Variants in AGAP1 observed in about 807,000 individuals in gnomAD.
AGAP1 encodes the protein ArfGAP with GTPase domain, ankyrin repeat and PH domain 1.
AGAP1 carries 29 observed loss-of-function variants against 105.3 expected under a neutral mutation model. The ratio of observed to expected loss-of-function variants is 0.28; its 90% confidence interval spans 0.21 to 0.38. The LOEUF is 0.38. Ranked by LOEUF, AGAP1 falls within the 10% of genes least tolerant of loss-of-function variation. AGAP1 has a pLI of 1.00. For synonymous variants in AGAP1, 509 were observed against 485.9 expected, an observed-to-expected ratio of 1.05 and a Z score of -0.63; for missense variants, 998 against 1,165.1, an observed-to-expected ratio of 0.86 and a Z score of 2.09.
rs56934868 is a variant in AGAP1, at chr2:235,681,843, C to CTT, written c.164-27312_164-27311dup. Among the ~76,000 whole-genome samples, 657 of 78,326 alleles carry CTT rather than the reference C, an allele frequency of 8.4e-3. 32 individuals are homozygous for CTT. The highest frequency in any genetic ancestry group is 0.013 in the Non-Finnish European group (566 of 42,136). 51.4% of individuals were successfully genotyped at this position (78,326 alleles called of 152,430 possible). On this transcript the variant is annotated intron_variant, in intron 1 of 17. Coordinates refer to ENST00000304032, the MANE Select transcript of AGAP1 (RefSeq NM_001037131.3). ...CCTATAAAGGGTCTAATTTAGTTTGCTTTTTTTTTTTTTTTTTTTTTTTTT... is the reference window on the plus strand; with the variant it reads ...CCTATAAAGGGTCTAATTTAGTTTGCTTTTTTTTTTTTTTTTTTTTTTTTTTT...
chr2:235,566,703 T>C lies in AGAP1; in HGVS notation c.163+71854T>C. 1.4e-6 allele frequency: 1 copy of C among 727,580 alleles called. No homozygotes were observed. Among genetic ancestry groups the C allele is most frequent in the Non-Finnish European group, 1.7e-6 (1 of 594,706 alleles). 45.1% of individuals were successfully genotyped at this position (727,580 alleles called of 1,614,324 possible). ...GGCTGTTCGAGGAACACAGGATGCA[T>C]ATTCAGGCAGGAAGTTGTTGGGGTT... On this transcript the variant is annotated intron_variant, in intron 1 of 17. Transcript: ENST00000304032. The surrounding 1 kb of genome is among the most constrained non-coding windows in gnomAD (Gnocchi z 5.2).
intron 11 of AGAP1, among the ~76,000 whole-genome samples, chr2:235,917,166 C>T (rs1276694261): frequency 1.3e-5 from 2 of 151,554 alleles, no homozygotes; most frequent in Non-Finnish European, 2.9e-5. Context: ...TCCTCTACAT[C>T]CCCCCCTTCC....
chr2:236,008,025 T>A (rs1005996514), intron 13 of AGAP1, among the ~76,000 whole-genome samples: 3 of 152,274 alleles, frequency 2.0e-5, no homozygotes, highest in Non-Finnish European at 4.4e-5. Context: ...AACCTCATTT[T>A]TTTCTAAGTG....
intron 13 of AGAP1, among the ~76,000 whole-genome samples, chr2:235,999,470 ATTGTGGTGACGATGGTGAGAGGTGG>A (rs2055991268): frequency 7.4e-6 from 1 of 134,606 alleles, no homozygotes; most frequent in Non-Finnish European, 1.6e-5. Flanking sequence ...GGTAGTAGTG[ATTGTGGTGACGATGGTGAGAGGTGG>A]TGGTGGTAGT....
intron 1 of AGAP1, among the ~76,000 whole-genome samples, chr2:235,607,548 G>C (rs1237117303): frequency 6.6e-6 from 1 of 152,244 alleles, no homozygotes. Flanking sequence ...TCCACTGTCA[G>C]AGGATGGAGA....
intron 1 of AGAP1, among the ~76,000 whole-genome samples, chr2:235,603,239 A>G (rs1010228233): frequency 3.9e-5 from 6 of 151,968 alleles, no homozygotes; most frequent in Middle Eastern, 3.4e-3. Context: ...GCCTGCCGCC[A>G]TGTAAGATGT....
intron 11 of AGAP1, among the ~76,000 whole-genome samples, chr2:235,920,118 G>A (rs973652249): frequency 9.2e-5 from 14 of 152,102 alleles, no homozygotes; most frequent in African/African-American, 3.4e-4. Flanking sequence ...TTTAGTAGTC[G>A]TTAAATTTGT....
At chr2:235,790,605 A>C (rs79463132) in intron 6 of AGAP1, among the ~76,000 whole-genome samples, 4,859 of 152,198 alleles carry the variant, frequency 0.032, 253 homozygotes, top group African/African-American at 0.11. Flanking sequence ...CTTAAGGACA[A>C]CTTCACACTT....
rs1272029967 is a variant in AGAP1, at chr2:235,550,178, G to T, written c.163+55329G>T. 6.6e-6 allele frequency among the ~76,000 whole-genome samples: 1 copy of T among 152,192 alleles called. No individual in the cohort carries two copies. The highest frequency in any genetic ancestry group is 1.5e-5 in the Non-Finnish European group (1 of 68,032). ...AGCCTGCACACTCCCAGCACCCGTG[G>T]CAGTCTTAGCAGGTGGATTATCACC... On this transcript the variant is annotated intron_variant, in intron 1 of 17. Coordinates refer to ENST00000304032, the MANE Select transcript of AGAP1 (RefSeq NM_001037131.3). This position sits in a 1 kb window ranked among gnomAD's most constrained non-coding sequence, Gnocchi z 4.6.
At chr2:235,554,310 A>C (rs946444362) in intron 1 of AGAP1, among the ~76,000 whole-genome samples, 26 of 152,202 alleles carry the variant, frequency 1.7e-4, no homozygotes, top group African/African-American at 5.5e-4. Flanking sequence ...TTATTTGGGA[A>C]GTTTGCATGT....
In AGAP1 at chr2:235,914,284, C is replaced by T. The variant is rs190768443; in HGVS notation, c.1324+5378C>T. On this transcript the variant is annotated intron_variant, in intron 11 of 17. Transcript: ENST00000304032. The stretch of plus-strand genomic sequence containing the variant: ...TACAGAGACTGGATTGTGTTGCCTC[C>T]TGTGCCATTCGTCTCCATTGTTACT... Among the ~76,000 whole-genome samples, 59 of 152,276 alleles carry T rather than the reference C, an allele frequency of 3.9e-4. 1 individual carries two copies. The highest frequency in any genetic ancestry group is 1.3e-3 in the African/African-American group (53 of 41,558).
At chr2:235,760,095 G>A (rs191267062) in intron 6 of AGAP1, among the ~76,000 whole-genome samples, 2 of 152,198 alleles carry the variant, frequency 1.3e-5, no homozygotes, top group East Asian at 3.9e-4. Context: ...AAATACAGAA[G>A]ATGGGCTGGG....
intron 9 of AGAP1, among the ~76,000 whole-genome samples, chr2:235,859,402 C>CA (rs528900538): frequency 4.2e-5 from 4 of 95,516 alleles, no homozygotes; most frequent in East Asian, 6.1e-4. Context: ...CTCCCCCCCC[C>CA]CCCCCGCCTT....
At chr2:236,117,019 G>A (rs1395625633) in intron 16 of AGAP1, among the ~76,000 whole-genome samples, 1 of 152,284 alleles carries the variant, frequency 6.6e-6, no homozygotes, top group South Asian at 2.1e-4. Context: ...GGCCATTGGG[G>A]TAGGTTCCAC....
Position 236,124,302 on chromosome 2 carries a change from G to A in AGAP1, c.*180G>A, listed in dbSNP as rs2059969782. 1.4e-6 allele frequency: 1 copy of A among 711,616 alleles called. No homozygotes were observed. Among genetic ancestry groups the A allele is most frequent in the East Asian group, 2.7e-5 (1 of 36,818 alleles). The allele number at this position is 711,616 out of a possible 1,614,324, so 44.1% of individuals were successfully genotyped here. A position where few individuals can be genotyped will look rare whatever the true frequency, so the allele number is the denominator to read the frequency against. The stretch of plus-strand genomic sequence containing the variant: ...CACAAAACCTGGACATCCCTCAAGG[G>A]GCGAAGAGGCGGCCGGGAGACTGCA... On this transcript the variant is annotated 3_prime_UTR_variant, in exon 18 of 18. Transcript: ENST00000304032. This position sits in a 1 kb window ranked among gnomAD's most constrained non-coding sequence, Gnocchi z 5.1.
chr2:236,008,226 C>G (rs1232262576), intron 13 of AGAP1, among the ~76,000 whole-genome samples: 1 of 152,154 alleles, frequency 6.6e-6, no homozygotes, highest in Non-Finnish European at 1.5e-5. Flanking sequence ...CAACCACACC[C>G]AAGGCCTCGT....
Position 236,046,258 on chromosome 2 carries a change from G to A in AGAP1, c.1892-2801G>A, listed in dbSNP as rs927200921. Among the ~76,000 whole-genome samples the A allele has an allele frequency of 1.3e-5, 2 of 152,168 alleles. No homozygotes were observed. Among genetic ancestry groups the A allele is most frequent in the Non-Finnish European group, 2.9e-5 (2 of 68,014 alleles). ...GGGCTGGATGCTGGGACATAAGGGAGCAGGAGAGGTGCTAGGTTTTGAGCG... is the reference window on the plus strand; with the variant it reads ...GGGCTGGATGCTGGGACATAAGGGAACAGGAGAGGTGCTAGGTTTTGAGCG... On this transcript the variant is annotated intron_variant, in intron 15 of 17. Coordinates refer to ENST00000304032, the MANE Select transcript of AGAP1 (RefSeq NM_001037131.3). This position sits in a 1 kb window ranked among gnomAD's most constrained non-coding sequence, Gnocchi z 5.2.
At chr2:236,006,421 T>C (rs546794865) in intron 13 of AGAP1, among the ~76,000 whole-genome samples, 222 of 152,342 alleles carry the variant, frequency 1.5e-3, no homozygotes, top group Non-Finnish European at 2.3e-3. Context: ...TTGGTTCTCT[T>C]GGCCAACAGA....
rs376078298 is a variant in AGAP1 at position 235,781,053 on chromosome 2, G to A, written c.674-16706G>A. On this transcript the variant is annotated intron_variant, in intron 6 of 17. Coordinates refer to ENST00000304032, the MANE Select transcript of AGAP1 (RefSeq NM_001037131.3). ...AGAAACCCAAACTAATAATGACAGA[G>A]GCAAACCTGTGATATTAGTCATTGC... is the stretch of plus-strand genomic sequence containing the variant. Among the ~76,000 whole-genome samples the A allele has an allele frequency of 1.8e-3, 275 of 152,192 alleles. 1 individual carries two copies. The highest frequency in any genetic ancestry group is 5.8e-3 in the African/African-American group (239 of 41,512).
Sources: allele counts gnomAD v4.1 joint callset (sites outside exome capture counted in the v4.1 genomes callset), GRCh38; gene constraint gnomAD v4.1.1; non-coding constraint Gnocchi (gnomAD v3.1); transcripts MANE v1.5; gene names NCBI Gene and HGNC (gene_info 2026-07-23, HGNC 2026-07-21).